Variants in ANO10 observed in about 807,000 individuals in gnomAD.
ANO10 encodes anoctamin 10.
In ANO10, 77 loss-of-function variants were observed where a neutral mutation model predicts 74.7. The observed-to-expected ratio is 1.03, with a 90% confidence interval of 0.86 to 1.25. ANO10 has a LOEUF of 1.25. Ranked by LOEUF, ANO10 falls within the 50% of genes most tolerant of loss-of-function variation. The pLI, the probability that ANO10 is intolerant of heterozygous loss-of-function variation, is 0.00. For synonymous variants in ANO10, 279 were observed against 284.9 expected, an observed-to-expected ratio of 0.98 and a Z score of 0.21; for missense variants, 721 against 778.1, an observed-to-expected ratio of 0.93 and a Z score of 0.87.
chr3:43,626,186 G>A (rs1313420849), upstream of ANO10, among the ~76,000 whole-genome samples: 2 of 151,918 alleles, frequency 1.3e-5, no homozygotes, highest in Non-Finnish European at 2.9e-5. Context: ...CACCCACCTC[G>A]GCCTCTCAAA....
chr3:43,393,664 A>C, intron 12 of ANO10, among the ~76,000 whole-genome samples: 1 of 152,038 alleles, frequency 6.6e-6, no homozygotes, highest in African/African-American at 2.4e-5. Context: ...TCCTGCATTT[A>C]CCATGGGCAC....
chr3:43,564,010 G>A (rs769888673), intron 8 of ANO10, among the ~76,000 whole-genome samples: 8 of 152,042 alleles, frequency 5.3e-5, no homozygotes, highest in East Asian at 1.9e-4. Flanking sequence ...ATAAATACTC[G>A]AGATGATAGA....
intron 1 of ANO10, among the ~76,000 whole-genome samples, chr3:43,668,519 GT>G (rs1466019859): frequency 6.6e-6 from 1 of 152,050 alleles, no homozygotes; most frequent in African/African-American, 2.4e-5. Flanking sequence ...GTCTAGAAGA[GT>G]TTTTTCTGAT....
At chr3:43,533,207 G>T (rs1321919389) in intron 11 of ANO10, among the ~76,000 whole-genome samples, 1 of 152,180 alleles carries the variant, frequency 6.6e-6, no homozygotes, top group Non-Finnish European at 1.5e-5. Context: ...GGAGAGAAAA[G>T]CTGATTTAGC....
intron 11 of ANO10, among the ~76,000 whole-genome samples, chr3:43,512,384 T>C (rs757631481): frequency 6.6e-6 from 1 of 152,242 alleles, no homozygotes; most frequent in African/African-American, 2.4e-5. Flanking sequence ...TGCACTATTC[T>C]GTGCATTATT....
intron 11 of ANO10, among the ~76,000 whole-genome samples, chr3:43,549,034 GA>G (rs1232154635): frequency 6.6e-6 from 1 of 152,094 alleles, no homozygotes; most frequent in Non-Finnish European, 1.5e-5. Flanking sequence ...ATTTGCTTAA[GA>G]AAGTAGAACT....
chr3:43,524,068 A>G (rs1028009722), intron 11 of ANO10, among the ~76,000 whole-genome samples: 1 of 152,208 alleles, frequency 6.6e-6, no homozygotes, highest in African/African-American at 2.4e-5. Flanking sequence ...CAGGGGCTAC[A>G]GTGGAAGCCA....
Position 43,658,390 on chromosome 3 carries a change from C to T in ANO10, c.-12+33127G>A, listed in dbSNP as rs143830002. Among the ~76,000 whole-genome samples, 321 of 152,150 alleles carry T rather than the reference C, an allele frequency of 2.1e-3. 3 individuals carry two copies. The highest frequency in any genetic ancestry group is 7.4e-3 in the African/African-American group (309 of 41,520). ...GGATATTCTACAGCAATGAATGTGACCATCTACAAGGAACTGCAATCATAA... is the reference window on the plus strand; with the variant it reads ...GGATATTCTACAGCAATGAATGTGATCATCTACAAGGAACTGCAATCATAA... On this transcript the variant is annotated intron_variant, in intron 1 of 3. Transcript: ENST00000413397.
chr3:43,372,770 A>C (rs1211810403), intron 12 of ANO10: 2 of 1,389,486 alleles, frequency 1.4e-6, no homozygotes, highest in Non-Finnish European at 2.0e-6. Context: ...ACTAGACCCC[A>C]GGACCTATGA....
chr3:43,371,640 C>A (rs1422303860), intron 12 of ANO10, among the ~76,000 whole-genome samples: 1 of 152,168 alleles, frequency 6.6e-6, no homozygotes, highest in Non-Finnish European at 1.5e-5. Flanking sequence ...CTTCGAGCCT[C>A]CTCCACTCAA....
At chr3:43,410,343 C>G (rs754385962) in intron 12 of ANO10, among the ~76,000 whole-genome samples, 1 of 152,064 alleles carries the variant, frequency 6.6e-6, no homozygotes, top group African/African-American at 2.4e-5. Flanking sequence ...CTTGAATTCC[C>G]GGGCTTAAGA....
chr3:43,406,075 C>A (rs537858983), intron 12 of ANO10, among the ~76,000 whole-genome samples: 1 of 152,304 alleles, frequency 6.6e-6, no homozygotes, highest in East Asian at 1.9e-4. Flanking sequence ...AGCAGGCTAA[C>A]CACAGACCGC....
intron 7 of ANO10, among the ~76,000 whole-genome samples, chr3:43,574,024 G>A (rs1269664489): frequency 6.6e-6 from 1 of 151,832 alleles, no homozygotes; most frequent in East Asian, 1.9e-4. Flanking sequence ...GTGCAATCTC[G>A]GCTCACTGCA....
intron 12 of ANO10, among the ~76,000 whole-genome samples, chr3:43,406,956 T>A (rs959052560): frequency 6.6e-6 from 1 of 151,762 alleles, no homozygotes; most frequent in Non-Finnish European, 1.5e-5. Context: ...CAGGCTGCAG[T>A]GCAGTGGCAT....
intron 12 of ANO10, among the ~76,000 whole-genome samples, chr3:43,386,870 C>T (rs190201324): frequency 4.8e-4 from 73 of 152,018 alleles, no homozygotes; most frequent in African/African-American, 1.7e-3. Flanking sequence ...TGGGGCTTTC[C>T]TAGGGGCAGG....
rs189045603 is a variant in ANO10, at chr3:43,473,560, C to T, written c.1798-40833G>A. Among the ~76,000 whole-genome samples, 6 of 152,302 alleles carry T rather than the reference C, an allele frequency of 3.9e-5. No homozygotes were observed. The East Asian group carries it at 1.2e-3, about 29-fold the overall frequency. ...TTGACTTTTCTCATGTGTCAATTTACCAGAATGGTAGGAAAGAAATCCCAT... is the reference window on the plus strand; with the variant it reads ...TTGACTTTTCTCATGTGTCAATTTATCAGAATGGTAGGAAAGAAATCCCAT... On this transcript the variant is annotated intron_variant, in intron 11 of 12. Coordinates refer to ENST00000292246, the MANE Select transcript of ANO10 (RefSeq NM_018075.5).
chr3:43,646,055 G>T (rs1220564479), intron 1 of ANO10, among the ~76,000 whole-genome samples: 1 of 152,074 alleles, frequency 6.6e-6, no homozygotes, highest in African/African-American at 2.4e-5. Context: ...CAATCCACCC[G>T]CCTCAGTCTC....
At chr3:43,490,905 G>A (rs1233195642) in intron 11 of ANO10, among the ~76,000 whole-genome samples, 2 of 152,148 alleles carry the variant, frequency 1.3e-5, no homozygotes, top group African/African-American at 2.4e-5. Context: ...CCAGGGAAAG[G>A]CAGTCTCCTA....
chr3:43,390,176 G>A, intron 12 of ANO10, among the ~76,000 whole-genome samples: 1 of 152,206 alleles, frequency 6.6e-6, no homozygotes, highest in East Asian at 1.9e-4. Flanking sequence ...GGGAGAGTGT[G>A]GGAGACACCC....
Sources: allele counts gnomAD v4.1 joint callset (sites outside exome capture counted in the v4.1 genomes callset), GRCh38; gene constraint gnomAD v4.1.1; transcripts MANE v1.5; gene names NCBI Gene and HGNC (gene_info 2026-07-23, HGNC 2026-07-21).